Variants in POLA1 observed in about 807,000 individuals in gnomAD.
POLA1 encodes DNA polymerase alpha 1, catalytic subunit.
POLA1 carries 15 observed loss-of-function variants against 124.0 expected under a neutral mutation model. The ratio of observed to expected loss-of-function variants is 0.12; its 90% CI spans 0.08 to 0.19. The LOEUF (loss-of-function observed/expected upper bound fraction) is 0.19, where lower values mean the gene tolerates loss of function less well. Ranked by LOEUF, POLA1 falls within the 10% of genes least tolerant of loss-of-function variation. The pLI is 1.00. For synonymous variants in POLA1, 408 were observed against 389.4 expected (o/e 1.05, Z -0.56); for missense variants, 886 against 1,103.4 (o/e 0.80, Z 2.79).
chrX:24,785,085 G>A (rs2045337528), intron 26 of POLA1, among the ~76,000 whole-genome samples: 2 of 112,358 alleles, frequency 1.8e-5, no homozygotes, highest in South Asian at 7.4e-4. Flanking sequence ...TATTAAAAAT[G>A]TGTTATCACT....
intron 36 of POLA1, among the ~76,000 whole-genome samples, chrX:24,932,202 C>G (rs944306797): frequency 1.8e-5 from 2 of 112,572 alleles, no homozygotes; most frequent in Non-Finnish European, 3.8e-5. Flanking sequence ...CCTGGCCAGC[C>G]CATTATTTCT....
Position 24,696,056 on chromosome X carries a change from C to T in POLA1, c.43+2052C>T, listed in dbSNP as rs1048148457. Among the ~76,000 whole-genome samples, 4 of 112,633 alleles carry T rather than the reference C, an allele frequency of 3.6e-5. No homozygotes were observed. The East Asian group carries it at 1.1e-3, about 31-fold the overall frequency. ...ATGTGGATGTGTGTTTGACTTCACA[C>T]GCGGAAGCGTTACATGAGCCGCTCC... On this transcript the variant is annotated intron_variant, in intron 1 of 36. Coordinates refer to ENST00000379068, the MANE Select transcript of POLA1 (RefSeq NM_001330360.2).
chrX:24,923,452 G>A (rs1244246073), intron 35 of POLA1, among the ~76,000 whole-genome samples: 2 of 111,430 alleles, frequency 1.8e-5, no homozygotes, highest in Non-Finnish European at 3.8e-5. Flanking sequence ...TGCTTATTCA[G>A]CAACGTGTGT....
intron 36 of POLA1, among the ~76,000 whole-genome samples, chrX:24,944,389 C>G (rs1206900153): frequency 9.1e-6 from 1 of 110,459 alleles, no homozygotes; most frequent in Non-Finnish European, 1.9e-5. Context: ...TTATGCCCCC[C>G]CACCCCCTGT....
chrX:24,986,148 T>C (rs2048478137), intron 36 of POLA1, among the ~76,000 whole-genome samples: 1 of 109,861 alleles, frequency 9.1e-6, no homozygotes, highest in Non-Finnish European at 1.9e-5. Context: ...CTCCAGCCTG[T>C]GCAACAAGAG....
At chrX:24,753,209 G>A (rs1187440749) in intron 26 of POLA1, among the ~76,000 whole-genome samples, 1 of 109,319 alleles carries the variant, frequency 9.1e-6, no homozygotes, top group East Asian at 2.8e-4. Context: ...TAGTAGAGAC[G>A]GGGTTTCACT....
At chrX:24,907,393 G>C (rs966295818) in intron 35 of POLA1, among the ~76,000 whole-genome samples, 1 of 110,855 alleles carries the variant, frequency 9.0e-6, no homozygotes, top group Non-Finnish European at 1.9e-5. Context: ...CAGAAGACAT[G>C]AATTTACAGA....
At chrX:24,916,534 C>T (rs927554307) in intron 35 of POLA1, among the ~76,000 whole-genome samples, 13 of 110,994 alleles carry the variant, frequency 1.2e-4, no homozygotes, top group African/African-American at 4.3e-4. Flanking sequence ...CCTCCTCAGC[C>T]TCCCAAAGTG....
intron 2 of POLA1, among the ~76,000 whole-genome samples, chrX:24,700,711 G>A (rs1408071944): frequency 2.7e-5 from 3 of 111,651 alleles, no homozygotes; most frequent in Non-Finnish European, 5.6e-5. Flanking sequence ...CTTTCACCAT[G>A]TTGGTCAGGC....
At chrX:24,733,139 T>A (rs981688442) in intron 16 of POLA1, among the ~76,000 whole-genome samples, 2 of 112,296 alleles carry the variant, frequency 1.8e-5, no homozygotes, top group Admixed American at 1.9e-4. Context: ...CGTCTGGTTT[T>A]CTTGGGTGTT....
intron 26 of POLA1, among the ~76,000 whole-genome samples, chrX:24,765,305 T>G (rs868338906): frequency 2.0e-5 from 2 of 99,633 alleles, no homozygotes; most frequent in East Asian, 3.0e-4. Flanking sequence ...TTTTTTTTTG[T>G]TTTTTTTTTT....
chrX:24,794,702 T>C (rs773344083), intron 26 of POLA1, among the ~76,000 whole-genome samples: 93 of 112,112 alleles, frequency 8.3e-4, no homozygotes, highest in African/African-American at 2.7e-3. Flanking sequence ...TTTAGAAAGC[T>C]GCCTCAAACC....
intron 35 of POLA1, among the ~76,000 whole-genome samples, chrX:24,907,122 C>T (rs1002975918): frequency 1.8e-5 from 2 of 111,067 alleles, no homozygotes; most frequent in Non-Finnish European, 3.8e-5. Context: ...ACCCAGGAGT[C>T]GGCGGTTGCA....
chrX:24,855,576 G>A (rs1285563179), intron 34 of POLA1, among the ~76,000 whole-genome samples: 2 of 111,899 alleles, frequency 1.8e-5, no homozygotes, highest in African/African-American at 6.5e-5. Flanking sequence ...GGACATTGGA[G>A]GAAAATTCTA....
At position 24,817,213 on chromosome X, in the gene POLA1, C is replaced by T. The variant is rs930922325; in HGVS notation, c.3429+2102C>T. On this transcript the variant is annotated intron_variant, in intron 30 of 36. Transcript: ENST00000379068. Reference sequence around the variant, plus strand: ...TTTGCTTATTTAATCATCCATTCAGCAAACATGGAGTACCTCTTATGTACA... The same window carrying T: ...TTTGCTTATTTAATCATCCATTCAGTAAACATGGAGTACCTCTTATGTACA... Among the ~76,000 whole-genome samples the T allele has an allele frequency of 3.6e-5, 4 of 111,935 alleles. No individual in the cohort carries two copies. In the South Asian group the frequency reaches 1.5e-3, roughly 42 times the overall value.
chrX:24,839,682 T>C (rs2046385947), intron 32 of POLA1, among the ~76,000 whole-genome samples: 1 of 112,491 alleles, frequency 8.9e-6, no homozygotes, highest in Admixed American at 9.4e-5. Context: ...TGTTCCTTTA[T>C]TTTTGGACTG....
chrX:24,971,350 A>G lies in POLA1; in HGVS notation c.4262-24455A>G, dbSNP rs78570415. Among the ~76,000 whole-genome samples the G allele has an allele frequency of 1.3e-3, 146 of 112,548 alleles. 2 individuals are homozygous for G. The East Asian group carries it at 0.038, about 30-fold the overall frequency. ...CTGTCATGTACGTGGACCTCAGTGA[A>G]TGAAACCTGGGTGTCCATATCTTAC... On this transcript the variant is annotated intron_variant, in intron 36 of 36. Transcript: ENST00000379068.
intron 36 of POLA1, among the ~76,000 whole-genome samples, chrX:24,941,224 AT>A (rs1324355016): frequency 9.2e-6 from 1 of 108,901 alleles, no homozygotes; most frequent in Admixed American, 9.8e-5. Context: ...TTTTATTTTT[AT>A]TTTTTTTTAC....
At chrX:24,717,028 G>A in intron 8 of POLA1, 57 bp downstream of exon 8, 7 of 783,826 alleles carry the variant, frequency 8.9e-6, no homozygotes, top group Non-Finnish European at 3.8e-6. Flanking sequence ...GTCAAAAATG[G>A]AGGCCCTATG....
Sources: allele counts gnomAD v4.1 joint callset (sites outside exome capture counted in the v4.1 genomes callset), GRCh38; gene constraint gnomAD v4.1.1; transcripts MANE v1.5; gene names NCBI Gene and HGNC (gene_info 2026-07-23, HGNC 2026-07-21).